BRINP1: variants seen among roughly 807,000 people sequenced by gnomAD.
BRINP1 encodes the protein BMP/retinoic acid-inducible neural-specific protein 1.
A neutral mutation model predicts 72.9 loss-of-function variants in BRINP1; 17 were observed. The observed-to-expected ratio is 0.23, with a 90% confidence interval of 0.16 to 0.35. BRINP1 has a LOEUF of 0.35. BRINP1 is among the 10% of genes least tolerant of loss of function. BRINP1 has a pLI of 1.00. For missense variants in BRINP1, 850 were observed against 1,001.6 expected (o/e 0.85, Z 2.04); for synonymous variants, 418 against 378.5 (o/e 1.10, Z -1.21).
At chr9:119,275,113 G>C (rs993763575) in intron 2 of BRINP1, among the ~76,000 whole-genome samples, 6 of 152,072 alleles carry the variant, frequency 3.9e-5, no homozygotes. Context: ...TAGACTTTGG[G>C]TACCTGACCC....
At chr9:119,314,411 G>A (rs552838466) in intron 1 of BRINP1, among the ~76,000 whole-genome samples, 22 of 152,142 alleles carry the variant, frequency 1.4e-4, no homozygotes. Context: ...TCTCACCCAG[G>A]CTGGAGGGCA....
At chr9:119,321,302 C>A (rs1338892219) in intron 1 of BRINP1, among the ~76,000 whole-genome samples, 1 of 152,118 alleles carries the variant, frequency 6.6e-6, no homozygotes, top group African/African-American at 2.4e-5. Context: ...TGGCCTCATA[C>A]CACAAAGCTG....
intron 2 of BRINP1, among the ~76,000 whole-genome samples, chr9:119,266,330 A>G (rs1830547832): frequency 6.6e-6 from 1 of 152,198 alleles, no homozygotes; most frequent in Non-Finnish European, 1.5e-5. Flanking sequence ...CAGAGGCCAC[A>G]TGAAGGAGGT....
At chr9:119,285,313 C>T (rs1028310606) in intron 2 of BRINP1, among the ~76,000 whole-genome samples, 1 of 152,000 alleles carries the variant, frequency 6.6e-6, no homozygotes, top group African/African-American at 2.4e-5. Context: ...AATGGATCTG[C>T]ACATTCGAAC....
intron 2 of BRINP1, among the ~76,000 whole-genome samples, chr9:119,273,501 G>T (rs1183955044): frequency 6.6e-6 from 1 of 152,140 alleles, no homozygotes; most frequent in South Asian, 2.1e-4. Flanking sequence ...CGTGAGCAAG[G>T]CAGGGAGGCT....
intron 5 of BRINP1, among the ~76,000 whole-genome samples, chr9:119,222,527 G>C (rs1830050282): frequency 6.6e-6 from 1 of 151,816 alleles, no homozygotes; most frequent in Non-Finnish European, 1.5e-5. Flanking sequence ...CTATGATTCT[G>C]CTCTGTGCTG....
At chr9:119,263,922 A>T (rs1159051628) in intron 2 of BRINP1, among the ~76,000 whole-genome samples, 1 of 152,160 alleles carries the variant, frequency 6.6e-6, no homozygotes, top group African/African-American at 2.4e-5. Flanking sequence ...ATTCTTAAAT[A>T]AATGAAGGCA....
chr9:119,329,006 C>T (rs1831267808), intron 1 of BRINP1, among the ~76,000 whole-genome samples: 1 of 152,032 alleles, frequency 6.6e-6, no homozygotes, highest in Admixed American at 6.5e-5. Context: ...AGTTTGCTGC[C>T]CCCACAGAGG....
chr9:119,330,261 A>G (rs988720132), intron 1 of BRINP1, among the ~76,000 whole-genome samples: 1 of 152,148 alleles, frequency 6.6e-6, no homozygotes, highest in Non-Finnish European at 1.5e-5. Flanking sequence ...TGAAGGATAC[A>G]GTCCAAATTC....
intron 5 of BRINP1, among the ~76,000 whole-genome samples, chr9:119,222,850 A>G (rs137984227): frequency 9.5e-4 from 144 of 152,192 alleles, no homozygotes; most frequent in Admixed American, 3.6e-3. Context: ...TCAATTTCAT[A>G]AAATTTCAAC....
intron 7 of BRINP1, among the ~76,000 whole-genome samples, chr9:119,204,273 A>G (rs1239436770): frequency 2.0e-5 from 3 of 152,230 alleles, no homozygotes; most frequent in Non-Finnish European, 2.9e-5. Flanking sequence ...CATAATAGAT[A>G]ATAACATAGT....
At chr9:119,304,725 C>T (rs535351482) in intron 2 of BRINP1, among the ~76,000 whole-genome samples, 1 of 152,358 alleles carries the variant, frequency 6.6e-6, no homozygotes, top group Admixed American at 6.5e-5. Context: ...GGCTGCCTGA[C>T]CAGTAGGTCT....
At chr9:119,214,843 T>C (rs771985131) in intron 5 of BRINP1, among the ~76,000 whole-genome samples, 4 of 152,176 alleles carry the variant, frequency 2.6e-5, no homozygotes, top group Admixed American at 2.0e-4. Context: ...AGGAAGGACA[T>C]TCTTAAAAGA....
intron 7 of BRINP1, among the ~76,000 whole-genome samples, chr9:119,207,575 C>A (rs568598561): frequency 6.6e-6 from 1 of 152,296 alleles, no homozygotes; most frequent in South Asian, 2.1e-4. Flanking sequence ...TGCTACGATA[C>A]TCAAAATTGT....
chr9:119,190,413 A>T (rs1436680678), intron 7 of BRINP1, among the ~76,000 whole-genome samples: 15 of 81,054 alleles, frequency 1.9e-4, no homozygotes, highest in Non-Finnish European at 4.0e-4. Flanking sequence ...TAGCTAGACT[A>T]AAAAAAAAAA....
chr9:119,335,100 G>A (rs1587964495), intron 1 of BRINP1, among the ~76,000 whole-genome samples: 1 of 152,192 alleles, frequency 6.6e-6, no homozygotes, highest in Non-Finnish European at 1.5e-5. Flanking sequence ...AGCCAGCTCA[G>A]GAGGAGGAGA....
intron 2 of BRINP1, among the ~76,000 whole-genome samples, chr9:119,252,487 G>GTT (rs912991383): frequency 9.9e-5 from 15 of 151,090 alleles, no homozygotes; most frequent in African/African-American, 2.7e-4. Flanking sequence ...TAATTATGAG[G>GTT]TTATATATAT....
At position 119,213,792 on chromosome 9, in the gene BRINP1, A is replaced by G. The variant is rs528585994; in HGVS notation, c.922+127T>C. The G allele has an allele frequency of 9.1e-6, 7 of 766,774 alleles. No individual in the cohort carries two copies. The East Asian group carries it at 1.2e-4, about 13-fold the overall frequency. The allele number at this position is 766,774 out of a possible 1,614,324, so 47.5% of individuals were successfully genotyped here. A position where few individuals can be genotyped will look rare whatever the true frequency, so the allele number is the denominator to read the frequency against. On this transcript the variant is annotated intron_variant, in intron 6 of 7. Coordinates refer to ENST00000265922, the MANE Select transcript of BRINP1 (RefSeq NM_014618.3). ...ACAGCTATTATACTTGCATCTGGAC[A>G]CTCCAAAGTGAAAGGGTCAGGGTCA...
intron 1 of BRINP1, among the ~76,000 whole-genome samples, chr9:119,366,503 C>CATGT (rs1418552790): frequency 1.5e-5 from 2 of 136,226 alleles, no homozygotes; most frequent in Admixed American, 7.2e-5. Flanking sequence ...CCCCCACCAC[C>CATGT]GTGTGTGTGT....
Sources: gnomAD v4.1 joint callset for allele counts (sites outside exome capture counted in the v4.1 genomes callset) on GRCh38, gnomAD v4.1.1 for gene constraint, MANE v1.5 for transcripts, NCBI Gene and HGNC (gene_info 2026-07-23, HGNC 2026-07-21) for gene names.